Variants in PCDHGA7 observed in about 807,000 individuals in gnomAD.
PCDHGA7 encodes the protein protocadherin gamma subfamily A, 7, also known as protocadherin gamma-A7.
A neutral mutation model predicts 58.3 loss-of-function variants in PCDHGA7; 44 were observed. The observed-to-expected ratio is 0.75, with a 90% confidence interval of 0.59 to 0.97. The LOEUF (loss-of-function observed/expected upper bound fraction) is 0.97. Among genes scored for constraint, PCDHGA7 ranks in the 50% least tolerant of loss-of-function variants. The pLI is 0.00. For synonymous variants in PCDHGA7, 516 were observed against 504.2 expected (o/e 1.02, Z -0.31); for missense variants, 1,266 against 1,188.7 (o/e 1.06, Z -0.96).
chr5:141,456,103 T>C lies in PCDHGA7; in HGVS notation c.2425-38704T>C, dbSNP rs185224428. Among the ~76,000 whole-genome samples the C allele has an allele frequency of 2.6e-3, 390 of 152,142 alleles. 3 individuals are homozygous for C. The highest frequency in any genetic ancestry group is 6.7e-3 in the Admixed American group (103 of 15,290). On this transcript the variant is annotated intron_variant, in intron 1 of 3. Coordinates refer to ENST00000518325, the MANE Select transcript of PCDHGA7 (RefSeq NM_018920.4). The stretch of plus-strand genomic sequence containing the variant: ...CAGTAGAGACGGGATTTCACCGTGT[T>C]AGCCAGGATGGTCTCCATCTCCTGA...
At chr5:141,433,257 G>A (rs764036349) in intron 1 of PCDHGA7, 4 of 1,385,412 alleles carry the variant, frequency 2.9e-6, no homozygotes, top group Non-Finnish European at 4.0e-6. Context: ...GCAGCGGTAC[G>A]ATCATAGCTC....
intron 2 of PCDHGA7, among the ~76,000 whole-genome samples, chr5:141,498,747 C>T (rs1363145286): frequency 6.6e-6 from 1 of 152,106 alleles, no homozygotes; most frequent in Non-Finnish European, 1.5e-5. Context: ...GCCTGGCCAA[C>T]ATGATGAAAC....
intron 1 of PCDHGA7, chr5:141,416,902 C>T (rs1364019748): frequency 1.3e-5 from 2 of 152,020 alleles, no homozygotes; most frequent in Non-Finnish European, 2.9e-5. Flanking sequence ...GGAAGGAAAG[C>T]ACACTCTTTA....
chr5:141,479,616 C>A (rs1371541860), intron 1 of PCDHGA7: 2 of 152,232 alleles, frequency 1.3e-5, no homozygotes, highest in African/African-American at 4.8e-5. Flanking sequence ...TATAGGGAAA[C>A]CATGTCTCTT....
intron 1 of PCDHGA7, chr5:141,410,822 A>C: frequency 2.2e-6 from 1 of 461,410 alleles, no homozygotes; most frequent in Non-Finnish European, 3.6e-6. Context: ...AAATAATGTC[A>C]CCAGACTGAA....
chr5:141,414,723 C>A (rs775890033), intron 1 of PCDHGA7: 2 of 1,614,170 alleles, frequency 1.2e-6, no homozygotes, highest in South Asian at 2.2e-5. Flanking sequence ...CAGACACTGG[C>A]GTCCTGTATG....
chr5:141,439,390 C>T (rs528547728), intron 1 of PCDHGA7, among the ~76,000 whole-genome samples: 1 of 152,266 alleles, frequency 6.6e-6, no homozygotes, highest in South Asian at 2.1e-4. Flanking sequence ...GTCATCACTT[C>T]GACTTCATGT....
chr5:141,496,146 G>T (rs749790409), intron 2 of PCDHGA7, among the ~76,000 whole-genome samples: 1 of 151,170 alleles, frequency 6.6e-6, no homozygotes, highest in South Asian at 2.1e-4. Flanking sequence ...GCCTTTGATC[G>T]CAGCTCTCCA....
chr5:141,392,202 T>A (rs534571054), intron 1 of PCDHGA7: 1 of 152,352 alleles, frequency 6.6e-6, no homozygotes, highest in South Asian at 2.1e-4. Context: ...AGTCTCAAGA[T>A]AAATTCATTT....
chr5:141,454,893 C>T (rs1414320972), intron 1 of PCDHGA7, among the ~76,000 whole-genome samples: 7 of 146,892 alleles, frequency 4.8e-5, no homozygotes, highest in Admixed American at 1.4e-4. Flanking sequence ...CTGCTAGCAC[C>T]GCCTCCCGGG....
chr5:141,438,591 CATATATATATATATAT>C (rs946798767), intron 1 of PCDHGA7, among the ~76,000 whole-genome samples: 4 of 75,562 alleles, frequency 5.3e-5, no homozygotes, highest in East Asian at 3.5e-4. Context: ...TACATACATA[CATATATATATATATAT>C]ATATATATAT....
At chr5:141,389,755 T>G in intron 1 of PCDHGA7, 2 of 1,612,872 alleles carry the variant, frequency 1.2e-6, no homozygotes, top group Non-Finnish European at 1.7e-6. Flanking sequence ...ACGGGCGAAG[T>G]GCGCACAGCG....
At position 141,491,660 on chromosome 5, in the gene PCDHGA7, C is replaced by G; in HGVS notation, c.2425-3147C>G. 6.2e-7 allele frequency: 1 copy of G among 1,613,810 alleles called. No individual in the cohort carries two copies. ...ACAGCTCTGGCGCTGGAGCCTGACG[C>G]CATCCGGTCCCGCTCTAATACGCTG... is the stretch of plus-strand genomic sequence containing the variant. On this transcript the variant is annotated intron_variant, in intron 1 of 3. Transcript: ENST00000518325. The surrounding 1 kb of genome is among the most constrained non-coding windows in gnomAD (Gnocchi z 6.9).
chr5:141,427,556 C>A (rs1022143090), intron 1 of PCDHGA7: 7 of 649,144 alleles, frequency 1.1e-5, no homozygotes, highest in African/African-American at 1.1e-4. Flanking sequence ...CTGCCACTGA[C>A]AAGGGCAAGC....
At position 141,384,708 on chromosome 5, in the gene PCDHGA7, G is replaced by T. The variant is rs1222018997; in HGVS notation, c.1809G>T (p.Trp603Cys). The T allele has an allele frequency of 1.9e-6, 3 of 1,614,116 alleles. No homozygotes were observed. The highest frequency in any genetic ancestry group is 2.5e-6 in the Non-Finnish European group (3 of 1,180,032). The change falls in exon 1 of 4, where the codon TGG (tryptophan) becomes TGT (cysteine). Residue 603 changes from tryptophan to cysteine, a missense_variant. Physicochemically the swap from Trp to Cys is radical, Grantham distance 215. Transcript: ENST00000518325. ...AVDKDSGQNA[W>C]LSYLLLKASE... The stretch of plus-strand genomic sequence containing the variant: ...ACAAAGATTCAGGCCAGAACGCCTG[G>T]CTGTCATACCTCCTGCTTAAGGCCA...
At chr5:141,448,216 G>A (rs766377717) in intron 1 of PCDHGA7, among the ~76,000 whole-genome samples, 41 of 152,046 alleles carry the variant, frequency 2.7e-4, no homozygotes, top group African/African-American at 1.7e-4. Context: ...GTGTGTATGC[G>A]AATGTATGTG....
intron 1 of PCDHGA7, chr5:141,479,325 A>C (rs2099492835): frequency 6.6e-6 from 1 of 152,648 alleles, no homozygotes; most frequent in South Asian, 2.1e-4. Context: ...AGCCAGACTC[A>C]GTGGTGTGCA....
At chr5:141,421,283 T>G (rs2096560959) in intron 1 of PCDHGA7, 4 of 1,612,952 alleles carry the variant, frequency 2.5e-6, no homozygotes, top group Non-Finnish European at 3.4e-6. Flanking sequence ...CTGCTGTGCA[T>G]TTTCCTGGGG....
In PCDHGA7 at chr5:141,489,734, A is replaced by G; in HGVS notation, c.2425-5073A>G. The G allele has an allele frequency of 6.2e-7, 1 of 1,614,164 alleles. No individual in the cohort carries two copies. Among genetic ancestry groups the G allele is most frequent in the Non-Finnish European group, 8.5e-7 (1 of 1,180,028 alleles). On this transcript the variant is annotated intron_variant, in intron 1 of 3. Transcript: ENST00000518325. This position sits in a 1 kb window ranked among gnomAD's most constrained non-coding sequence, Gnocchi z 4.5. ...GCCCAGGATCCGGATGTGGGCACCAATACTGTGAGCTTTTACACTCTAAGC... is the reference window on the plus strand; with the variant it reads ...GCCCAGGATCCGGATGTGGGCACCAGTACTGTGAGCTTTTACACTCTAAGC...
Sources: gnomAD v4.1 joint callset for allele counts (sites outside exome capture counted in the v4.1 genomes callset) on GRCh38, gnomAD v4.1.1 for gene constraint, Gnocchi (gnomAD v3.1) non-coding constraint, MANE v1.5 for transcripts, NCBI Gene and HGNC (gene_info 2026-07-23, HGNC 2026-07-21) for gene names.